DHCR7: variants seen among roughly 807,000 people sequenced by gnomAD.
DHCR7 encodes the protein 7-DHC reductase.
Under a neutral mutation model 43.3 loss-of-function variants are expected in DHCR7, and 40 were observed. That is an observed-to-expected ratio of 0.92 (90% confidence interval 0.72 to 1.20). DHCR7 has a LOEUF of 1.20. Ranked by LOEUF, DHCR7 falls within the 50% of genes most tolerant of loss-of-function variation. The pLI is 0.00. For missense variants in DHCR7, 608 were observed against 644.6 expected (o/e 0.94, Z 0.62); for synonymous variants, 298 against 271.4 (o/e 1.10, Z -0.96).
upstream of DHCR7, chr11:71,448,412 C>G (rs1162351250): frequency 1.3e-5 from 2 of 152,518 alleles, no homozygotes; most frequent in Admixed American, 1.3e-4. Context: ...GGCGCCCGCC[C>G]CCGGATGATG....
rs1202860840 is a variant in DHCR7, at chr11:71,437,558, C to T, written c.963+254G>A. Among the ~76,000 whole-genome samples, 7 of 152,182 alleles carry T rather than the reference C, an allele frequency of 4.6e-5. No homozygotes were observed. In the East Asian group the frequency reaches 1.4e-3, roughly 29 times the overall value. ...CCTCCTGCCAGTGCCCGCACTGACC[C>T]ACCTCCACCTCCACTGCCCCATCCA... On this transcript the variant is annotated intron_variant, in intron 8 of 8. Coordinates refer to ENST00000355527, the MANE Select transcript of DHCR7 (RefSeq NM_001360.3).
In DHCR7 at chr11:71,435,367, G is replaced by T; in HGVS notation, c.*8C>A. ...CAGCCCCACAGGGCTTCTCCCTAGG[G>T]CGTGCCCTTAGAAGATTCCAGGCAG... On this transcript the variant is annotated 3_prime_UTR_variant, in exon 9 of 9. Coordinates refer to ENST00000355527, the MANE Select transcript of DHCR7 (RefSeq NM_001360.3). 1 of 1,611,080 alleles carries T rather than the reference G, an allele frequency of 6.2e-7. No homozygotes were observed. Among genetic ancestry groups the T allele is most frequent in the Non-Finnish European group, 8.5e-7 (1 of 1,179,820 alleles).
At chr11:71,435,941 C>T (rs1390658248) in intron 8 of DHCR7, 102 bp from the exon 9 acceptor site, 4 of 922,782 alleles carry the variant, frequency 4.3e-6, no homozygotes, top group Middle Eastern at 4.2e-4. Context: ...CCCAGCTCTG[C>T]CTCTGACACA....
chr11:71,428,148 C>T (rs1949209886), downstream of DHCR7: 1 of 152,030 alleles, frequency 6.6e-6, no homozygotes, highest in African/African-American at 2.4e-5. Context: ...TATTTCTTCC[C>T]AATCTATGTC....
upstream of DHCR7, chr11:71,448,666 G>A (rs995034019): frequency 5.9e-5 from 9 of 152,372 alleles, no homozygotes; most frequent in Middle Eastern, 3.4e-3. Context: ...GTGGGGCGTG[G>A]CGGAGTGGCC....
At chr11:71,445,053 T>C in intron 2 of DHCR7, 95 bp from the exon 3 acceptor site, 1 of 1,020,616 alleles carries the variant, frequency 9.8e-7, no homozygotes, top group Non-Finnish European at 1.6e-6. Flanking sequence ...CTGGCAGGGC[T>C]GGCCTCCTGT....
chr11:71,427,322 C>T (rs1949205056), downstream of DHCR7, among the ~76,000 whole-genome samples: 4 of 152,276 alleles, frequency 2.6e-5, no homozygotes, highest in South Asian at 8.3e-4. Flanking sequence ...TTTAGCTCTT[C>T]TTTAATTTCT....
rs1949256608 is a variant in DHCR7, at chr11:71,435,086, A to G, written c.*289T>C. 1 of 618,100 alleles carries G rather than the reference A, an allele frequency of 1.6e-6. No homozygotes were observed. The highest frequency in any genetic ancestry group is 1.8e-5 in the African/African-American group (1 of 55,524). 38.3% of individuals were successfully genotyped at this position (618,100 alleles called of 1,614,324 possible). Reference sequence around the variant, plus strand: ...CTCCTAATACAGGTAAATTGTCTCCAAAGGACTAGTAAAGGTGACTGGGTC... The same window carrying G: ...CTCCTAATACAGGTAAATTGTCTCCGAAGGACTAGTAAAGGTGACTGGGTC... On this transcript the variant is annotated 3_prime_UTR_variant, in exon 9 of 9. Coordinates refer to ENST00000355527, the MANE Select transcript of DHCR7 (RefSeq NM_001360.3).
rs1203189676 is a variant in DHCR7 at position 71,441,391 on chromosome 11, C to T, written c.462G>A (p.Thr154=). ...QINGLQAWLL[T]HLLWFANAHL... The stretch of plus-strand genomic sequence containing the variant: ...GAGCGTTTGCAAACCAGAGCAGGTG[C>T]GTGAGGAGCCAGGCTTGCAGGCCAT... Residue 154 remains threonine (T), a synonymous_variant, in exon 6 of 9, where the codon ACG becomes ACA. Coordinates refer to ENST00000355527, the MANE Select transcript of DHCR7 (RefSeq NM_001360.3). The T allele has an allele frequency of 1.2e-6, 2 of 1,614,120 alleles. No homozygotes were observed. Among genetic ancestry groups the T allele is most frequent in the African/African-American group, 1.3e-5 (1 of 75,044 alleles).
At chr11:71,431,822 G>T (rs1591105375), downstream of DHCR7, among the ~76,000 whole-genome samples, 1 of 152,086 alleles carries the variant, frequency 6.6e-6, no homozygotes, top group Admixed American at 6.5e-5. Context: ...TATTTCATAT[G>T]AAAACTTTAT....
intron 7 of DHCR7, 68 bp downstream of exon 7, chr11:71,438,811 T>A: frequency 6.5e-7 from 1 of 1,528,032 alleles, no homozygotes. Flanking sequence ...GGGAATACGC[T>A]CTGGCTTGCG....
Position 71,442,496 on chromosome 11 carries a change from GT to G in DHCR7, c.322-144del, listed in dbSNP as rs1949359840. 2.2e-5 allele frequency: 16 copies of G among 715,790 alleles called. 1 individual carries two copies. The South Asian group carries it at 2.5e-4, about 11-fold the overall frequency. The allele number at this position is 715,790 out of a possible 1,614,324, so 44.3% of individuals were successfully genotyped here. ...TCCTGGAAGCTCAAACTGCTGGGCT[GT>G]GGGTTTTGAAGGGGGTTCTGAGACA... On this transcript the variant is annotated intron_variant, in intron 4 of 8. Transcript: ENST00000355527.
rs544078465 is a variant in DHCR7 at position 71,441,896 on chromosome 11, C to T, written c.412+367G>A. On this transcript the variant is annotated intron_variant, in intron 5 of 8. Coordinates refer to ENST00000355527, the MANE Select transcript of DHCR7 (RefSeq NM_001360.3). Reference sequence around the variant, plus strand: ...GTGAGAGGCACAAAGCCAGGCTCCTCGTGGGTTCTCAATGATGGCAAGGAA... The same window carrying T: ...GTGAGAGGCACAAAGCCAGGCTCCTTGTGGGTTCTCAATGATGGCAAGGAA... Among the ~76,000 whole-genome samples, 129 of 152,268 alleles carry T rather than the reference C, an allele frequency of 8.5e-4. 1 individual carries two copies. Among genetic ancestry groups the T allele is most frequent in the Non-Finnish European group, 1.7e-3 (116 of 68,018 alleles).
chr11:71,429,602 T>G (rs1949218409), downstream of DHCR7, among the ~76,000 whole-genome samples: 1 of 152,114 alleles, frequency 6.6e-6, no homozygotes, highest in South Asian at 2.1e-4. Flanking sequence ...TTAGAGCAAC[T>G]GACATTTATG....
At chr11:71,429,235 G>A (rs922942579) in intron 2 of DHCR7, among the ~76,000 whole-genome samples, 1 of 152,218 alleles carries the variant, frequency 6.6e-6, no homozygotes, top group Admixed American at 6.5e-5. Context: ...GTCAATATGG[G>A]AGGCTGCAGC....
At chr11:71,439,172 C>T (rs1949323357) in intron 6 of DHCR7, 89 bp from the exon 7 acceptor site, 2 of 1,246,206 alleles carry the variant, frequency 1.6e-6, no homozygotes, top group Admixed American at 1.9e-5. Flanking sequence ...CAGCACTGGC[C>T]CAGGGTCCTA....
chr11:71,442,864 G>T (rs1322365090), intron 4 of DHCR7, among the ~76,000 whole-genome samples: 1 of 152,178 alleles, frequency 6.6e-6, no homozygotes, highest in Non-Finnish European at 1.5e-5. Context: ...GGCATTTAGC[G>T]CATTTACATG....
At chr11:71,437,451 C>T (rs990370381) in intron 8 of DHCR7, among the ~76,000 whole-genome samples, 4 of 152,126 alleles carry the variant, frequency 2.6e-5, no homozygotes, top group African/African-American at 9.7e-5. Context: ...AGGCCACTTG[C>T]TATCCCCTAC....
downstream of DHCR7, among the ~76,000 whole-genome samples, chr11:71,430,819 G>C (rs1949224118): frequency 6.6e-6 from 1 of 152,328 alleles, no homozygotes; most frequent in African/African-American, 2.4e-5. Flanking sequence ...ATAGGTACAG[G>C]ATGGGGAGTG....
Sources: allele counts gnomAD v4.1 joint callset (sites outside exome capture counted in the v4.1 genomes callset), GRCh38; gene constraint gnomAD v4.1.1; transcripts MANE v1.5; gene names NCBI Gene and HGNC (gene_info 2026-07-23, HGNC 2026-07-21).